MAGI1: variants seen among roughly 807,000 people sequenced by gnomAD.
MAGI1 encodes the protein membrane-associated guanylate kinase, WW and PDZ domain-containing protein 1.
Under a neutral mutation model 139.9 loss-of-function variants are expected in MAGI1, and 58 were observed. The observed-to-expected ratio is 0.41, with a 90% confidence interval of 0.34 to 0.52. The LOEUF (loss-of-function observed/expected upper bound fraction) is 0.52. Among genes scored for constraint, MAGI1 ranks in the 20% least tolerant of loss-of-function variants. The pLI is 0.12. For synonymous variants in MAGI1, 812 were observed against 737.9 expected (o/e 1.10, Z -1.63); for missense variants, 1,874 against 1,901.6 (o/e 0.99, Z 0.27).
At chr3:65,358,352 C>G (rs1336791147) in intron 22 of MAGI1, among the ~76,000 whole-genome samples, 4 of 152,078 alleles carry the variant, frequency 2.6e-5, no homozygotes, top group Non-Finnish European at 4.4e-5. Flanking sequence ...CAGTCAGAGA[C>G]TAAGGGGTCA....
rs142981543 is a variant in MAGI1, at chr3:65,620,712, A to C, written c.430+1260T>G. Among the ~76,000 whole-genome samples the C allele has an allele frequency of 7.4e-4, 112 of 152,368 alleles. 2 individuals are homozygous for C. The East Asian group carries it at 0.019, about 25-fold the overall frequency. On this transcript the variant is annotated intron_variant, in intron 2 of 22. Transcript: ENST00000402939. ...GACCACAAGTTCACATTAACACATCATCACAACCTCCTCTCCGTCAAATGC... is the reference window on the plus strand; with the variant it reads ...GACCACAAGTTCACATTAACACATCCTCACAACCTCCTCTCCGTCAAATGC...
intron 2 of MAGI1, among the ~76,000 whole-genome samples, chr3:65,504,053 G>C (rs2077183173): frequency 6.6e-6 from 1 of 152,170 alleles, no homozygotes; most frequent in Non-Finnish European, 1.5e-5. Context: ...TGTTTGTCTA[G>C]GGCAAGCAAA....
At chr3:65,530,708 C>CATAT (rs2078631125) in intron 2 of MAGI1, among the ~76,000 whole-genome samples, 2 of 120,340 alleles carry the variant, frequency 1.7e-5, no homozygotes, top group Non-Finnish European at 1.7e-5. Flanking sequence ...TACACATATA[C>CATAT]ACGTGTATAT....
intron 1 of MAGI1, among the ~76,000 whole-genome samples, chr3:66,006,455 G>C (rs896292142): frequency 6.6e-6 from 1 of 152,144 alleles, no homozygotes; most frequent in African/African-American, 2.4e-5. Context: ...ACATGTATAT[G>C]TGTTTATGTG....
intron 1 of MAGI1, among the ~76,000 whole-genome samples, chr3:65,960,703 A>G (rs1245455371): frequency 6.6e-6 from 1 of 152,244 alleles, no homozygotes; most frequent in African/African-American, 2.4e-5. Flanking sequence ...CACAAATTGT[A>G]CAAGATTTCC....
intron 1 of MAGI1, among the ~76,000 whole-genome samples, chr3:65,741,548 T>C (rs1250847739): frequency 6.6e-6 from 1 of 152,224 alleles, no homozygotes; most frequent in Non-Finnish European, 1.5e-5. Flanking sequence ...TGTTGGCTCC[T>C]GCAGTTGTGT....
At chr3:65,533,142 A>C (rs2078797182) in intron 2 of MAGI1, among the ~76,000 whole-genome samples, 1 of 152,132 alleles carries the variant, frequency 6.6e-6, no homozygotes. Flanking sequence ...TGGCTTACTT[A>C]TGGTATGTTG....
At chr3:65,821,316 G>A (rs41374648) in intron 1 of MAGI1, among the ~76,000 whole-genome samples, 3,026 of 152,126 alleles carry the variant, frequency 0.02, 92 homozygotes, top group African/African-American at 0.069. Context: ...TTCAGGCCCC[G>A]AGGTCTGCCA....
At chr3:65,685,886 G>A (rs2087983857) in intron 1 of MAGI1, among the ~76,000 whole-genome samples, 1 of 152,154 alleles carries the variant, frequency 6.6e-6, no homozygotes, top group African/African-American at 2.4e-5. Flanking sequence ...TAGGAAGTTA[G>A]ACACGTTTTC....
intron 12 of MAGI1, among the ~76,000 whole-genome samples, chr3:65,407,172 C>T (rs969596396): frequency 2.6e-5 from 4 of 152,046 alleles, no homozygotes; most frequent in Admixed American, 6.6e-5. Context: ...ACAGGCAGGG[C>T]GCGGAGGCTC....
At chr3:65,641,941 C>T (rs1576575345) in intron 1 of MAGI1, among the ~76,000 whole-genome samples, 1 of 152,128 alleles carries the variant, frequency 6.6e-6, no homozygotes, top group African/African-American at 2.4e-5. Context: ...GGGTTAGGGG[C>T]CCAAGGTTTC....
chr3:65,484,461 T>C (rs538079438), intron 3 of MAGI1, among the ~76,000 whole-genome samples: 1 of 152,218 alleles, frequency 6.6e-6, no homozygotes, highest in Non-Finnish European at 1.5e-5. Context: ...GGGGCAAAAA[T>C]TGTTTTCTTT....
At chr3:65,936,531 C>T (rs2063060824) in intron 1 of MAGI1, among the ~76,000 whole-genome samples, 1 of 151,082 alleles carries the variant, frequency 6.6e-6, no homozygotes, top group Non-Finnish European at 1.5e-5. Flanking sequence ...CCCAGCTACT[C>T]AGGCAGTGGG....
At chr3:65,688,099 C>A in intron 1 of MAGI1, 1 of 760,324 alleles carries the variant, frequency 1.3e-6, no homozygotes, top group South Asian at 1.3e-5. Flanking sequence ...CTGAACACTG[C>A]ACATAGGTGT....
intron 1 of MAGI1, among the ~76,000 whole-genome samples, chr3:65,952,360 C>T (rs2063905358): frequency 6.6e-6 from 1 of 152,166 alleles, no homozygotes; most frequent in Admixed American, 6.5e-5. Context: ...GAAGGAAGTG[C>T]TTGCACTTGT....
chr3:65,929,656 T>C (rs564620161), intron 1 of MAGI1, among the ~76,000 whole-genome samples: 1 of 152,124 alleles, frequency 6.6e-6, no homozygotes, highest in South Asian at 2.1e-4. Flanking sequence ...ACGTCAAGAA[T>C]TCAACAATGC....
At chr3:65,771,694 C>A (rs566286691) in intron 1 of MAGI1, among the ~76,000 whole-genome samples, 1 of 152,242 alleles carries the variant, frequency 6.6e-6, no homozygotes, top group Non-Finnish European at 1.5e-5. Context: ...AATTTTGAAA[C>A]CTTTAATAAA....
intron 4 of MAGI1, among the ~76,000 whole-genome samples, chr3:65,477,732 T>C (rs1252579042): frequency 6.7e-6 from 1 of 149,818 alleles, no homozygotes; most frequent in Non-Finnish European, 1.5e-5. Context: ...TTTATTTATA[T>C]TTTTTGAGAC....
chr3:65,812,699 CTTTTTTTT>C lies in MAGI1; in HGVS notation c.314-190619_314-190612del, dbSNP rs539502538. ...AAACTGACTGGTTAAAGTTAGTTTA[CTTTTTTTT>C]TTTTTTTTTTTTTTTTTTTTGAGAC... On this transcript the variant is annotated intron_variant, in intron 1 of 22. Coordinates refer to ENST00000402939, the MANE Select transcript of MAGI1 (RefSeq NM_001033057.2). Among the ~76,000 whole-genome samples, 190 of 72,904 alleles carry C rather than the reference CTTTTTTTT, an allele frequency of 2.6e-3. 1 individual carries two copies. The East Asian group carries it at 0.07, about 27-fold the overall frequency. 47.8% of individuals were successfully genotyped at this position (72,904 alleles called of 152,430 possible). A position where few individuals can be genotyped will look rare whatever the true frequency, so the allele number is the denominator to read the frequency against.
Sources: allele counts gnomAD v4.1 joint callset (sites outside exome capture counted in the v4.1 genomes callset), GRCh38; gene constraint gnomAD v4.1.1; transcripts MANE v1.5; gene names NCBI Gene and HGNC (gene_info 2026-07-23, HGNC 2026-07-21).